Variants in ESRRG observed in about 807,000 individuals in gnomAD.
ESRRG encodes the protein estrogen related receptor gamma, also known as estrogen-related receptor gamma.
Under a neutral mutation model 44.0 loss-of-function variants are expected in ESRRG, and 13 were observed. The ratio of observed to expected loss-of-function variants is 0.30; its 90% confidence interval spans 0.19 to 0.47. The LOEUF (loss-of-function observed/expected upper bound fraction) is 0.47. Ranked by LOEUF, ESRRG falls within the 20% of genes least tolerant of loss-of-function variation. ESRRG has a pLI of 1.00. For synonymous variants in ESRRG, 215 were observed against 214.6 expected (o/e 1.00, Z -0.02); for missense variants, 395 against 580.6 (o/e 0.68, Z 3.29).
rs183408503 is a variant in ESRRG at position 216,969,883 on chromosome 1, G to T, written c.-105-30210C>A. ...TTACAGGCATGAGCCACGGTGCCCA[G>T]CTGAAATTTTCAAGCAAGAATGTTA... On this transcript the variant is annotated intron_variant, in intron 1 of 7. Transcript: ENST00000359162. 3.6e-3 allele frequency among the ~76,000 whole-genome samples: 549 copies of T among 152,250 alleles called. 3 individuals are homozygous for T. Among genetic ancestry groups the T allele is most frequent in the African/African-American group, 0.012 (480 of 41,570 alleles).
intron 2 of ESRRG, among the ~76,000 whole-genome samples, chr1:216,869,645 C>T (rs1422756132): frequency 6.6e-6 from 1 of 152,000 alleles, no homozygotes; most frequent in Admixed American, 6.5e-5. Context: ...GTAGAACCAA[C>T]ATCTTTACTT....
intron 2 of ESRRG, among the ~76,000 whole-genome samples, chr1:216,937,858 A>T (rs1234982905): frequency 6.6e-6 from 1 of 152,158 alleles, no homozygotes; most frequent in East Asian, 1.9e-4. Context: ...ATAATGCAGA[A>T]TGTGACCCAC....
chr1:216,616,302 T>A (rs765115654), intron 3 of ESRRG, among the ~76,000 whole-genome samples: 7 of 152,152 alleles, frequency 4.6e-5, no homozygotes, highest in Non-Finnish European at 8.8e-5. Flanking sequence ...AAATTCAAGA[T>A]ACATGCTCTA....
chr1:217,103,191 G>C (rs955944698), intron 1 of ESRRG, among the ~76,000 whole-genome samples: 1 of 151,862 alleles, frequency 6.6e-6, no homozygotes, highest in Non-Finnish European at 1.5e-5. Context: ...GCAGGGAGTG[G>C]AAGTTGATCG....
chr1:217,030,773 A>AT (rs1388480925), intron 1 of ESRRG, among the ~76,000 whole-genome samples: 1 of 152,240 alleles, frequency 6.6e-6, no homozygotes, highest in Non-Finnish European at 1.5e-5. Flanking sequence ...AGCACATGAA[A>AT]TGTGGCCAGT....
chr1:217,029,704 C>T (rs1173399503), intron 1 of ESRRG, among the ~76,000 whole-genome samples: 2 of 152,094 alleles, frequency 1.3e-5, no homozygotes, highest in African/African-American at 4.8e-5. Flanking sequence ...GACTCAGAAA[C>T]AATCTATTCT....
chr1:216,867,952 C>G (rs866815443), intron 2 of ESRRG, among the ~76,000 whole-genome samples: 11 of 152,206 alleles, frequency 7.2e-5, no homozygotes, highest in African/African-American at 2.6e-4. Context: ...AACCACTGAT[C>G]TGTCTCCAGC....
intron 2 of ESRRG, among the ~76,000 whole-genome samples, chr1:216,783,353 A>T (rs2094003467): frequency 6.6e-6 from 1 of 152,132 alleles, no homozygotes; most frequent in Admixed American, 6.6e-5. Context: ...CTACTTTATT[A>T]GCTGCACAAT....
intron 3 of ESRRG, among the ~76,000 whole-genome samples, chr1:216,593,046 C>T (rs1373671650): frequency 6.6e-6 from 1 of 152,178 alleles, no homozygotes. Context: ...GTCTTCCCTA[C>T]ATACAGGGGA....
chr1:216,912,138 A>G (rs534675463), intron 2 of ESRRG, among the ~76,000 whole-genome samples: 1,100 of 28,366 alleles, frequency 0.039, 26 homozygotes, highest in Non-Finnish European at 0.046. Context: ...AAGAAAAGAA[A>G]AGAAAAGAAA....
intron 2 of ESRRG, among the ~76,000 whole-genome samples, chr1:216,809,609 A>C (rs2789716): frequency 0.25 from 38,655 of 152,066 alleles, 5,216 homozygotes; most frequent in East Asian, 0.42. Flanking sequence ...TCTCCATAAA[A>C]CCTAAAATTC....
chr1:216,769,568 A>C (rs1172688180), intron 2 of ESRRG, among the ~76,000 whole-genome samples: 1 of 152,148 alleles, frequency 6.6e-6, no homozygotes, highest in African/African-American at 2.4e-5. Flanking sequence ...TAGTGCATAC[A>C]TGAAGCCGTC....
In ESRRG at chr1:216,737,995, C is replaced by CTT. The variant is rs144453643; in HGVS notation, c.-13-60506_-13-60505dup. 1.1e-3 allele frequency among the ~76,000 whole-genome samples: 128 copies of CTT among 119,590 alleles called. 3 individuals carry two copies. The highest frequency in any genetic ancestry group is 4.7e-3 in the Middle Eastern group (1 of 214). The allele number at this position is 119,590 out of a possible 152,430, so 78.5% of individuals were successfully genotyped here. Reference sequence around the variant, plus strand: ...CACTAGTTCTGCAGATGAGACATCACTTTTTTTTTTTTTTTTTTTTTGGTC... The same window carrying CTT: ...CACTAGTTCTGCAGATGAGACATCACTTTTTTTTTTTTTTTTTTTTTTTGGTC... On this transcript the variant is annotated intron_variant, in intron 2 of 7. Coordinates refer to the ESRRG transcript ENST00000359162.
intron 2 of ESRRG, among the ~76,000 whole-genome samples, chr1:216,768,480 A>ATCTATCTATCTG (rs143754795): frequency 0.09 from 13,574 of 150,246 alleles, 799 homozygotes; most frequent in Middle Eastern, 0.19. Context: ...CTATCTATCT[A>ATCTATCTATCTG]TCTATCTATC....
intron 2 of ESRRG, among the ~76,000 whole-genome samples, chr1:216,846,084 A>C (rs2095741933): frequency 6.6e-6 from 1 of 152,186 alleles, no homozygotes; most frequent in South Asian, 2.1e-4. Context: ...ATCATGTAAA[A>C]AGAACAAAAT....
At chr1:216,665,499 A>G (rs1292801595) in intron 2 of ESRRG, among the ~76,000 whole-genome samples, 3 of 152,230 alleles carry the variant, frequency 2.0e-5, no homozygotes, top group African/African-American at 7.2e-5. Flanking sequence ...AGCCAAACTC[A>G]TAGAAACAGA....
intron 2 of ESRRG, among the ~76,000 whole-genome samples, chr1:216,891,927 G>A (rs1455186202): frequency 5.9e-5 from 9 of 151,364 alleles, no homozygotes; most frequent in African/African-American, 1.7e-4. Context: ...AGCCACCCGA[G>A]TAGCTGGGAG....
At chr1:216,971,128 C>T (rs932678206) in intron 1 of ESRRG, among the ~76,000 whole-genome samples, 1 of 152,094 alleles carries the variant, frequency 6.6e-6, no homozygotes, top group Admixed American at 6.5e-5. Flanking sequence ...TGTAGAAGAA[C>T]ATTTCAGCCA....
chr1:216,986,555 TA>T (rs2150453420), intron 1 of ESRRG, among the ~76,000 whole-genome samples: 1 of 151,824 alleles, frequency 6.6e-6, no homozygotes, highest in Admixed American at 6.6e-5. Flanking sequence ...TGTAAAATAA[TA>T]ATAATAATAA....
Sources: allele counts gnomAD v4.1 joint callset (sites outside exome capture counted in the v4.1 genomes callset), GRCh38; gene constraint gnomAD v4.1.1; transcripts MANE v1.5; gene names NCBI Gene and HGNC (gene_info 2026-07-23, HGNC 2026-07-21).